CCDC186: variants seen among roughly 807,000 people sequenced by gnomAD.
The protein encoded by CCDC186 is coiled-coil domain-containing protein 186.
A neutral mutation model predicts 113.7 loss-of-function variants in CCDC186; 49 were observed. That is an observed-to-expected ratio of 0.43 (90% CI 0.34 to 0.55). The LOEUF (loss-of-function observed/expected upper bound fraction) is 0.55. Ranked by LOEUF, CCDC186 falls within the 20% of genes least tolerant of loss-of-function variation. The pLI, the probability that CCDC186 is intolerant of heterozygous loss-of-function variation, is 0.02. For synonymous variants in CCDC186, 355 were observed against 345.8 expected, an observed-to-expected ratio of 1.03 and a Z score of -0.30; for missense variants, 890 against 1,011.1, an observed-to-expected ratio of 0.88 and a Z score of 1.62.
rs1028205019 is a variant in CCDC186 at position 114,124,051 on chromosome 10, A to G, written c.*1092T>C. On this transcript the variant is annotated 3_prime_UTR_variant, in exon 16 of 16. Transcript: ENST00000369287. ...TCTTTGTAGAGATGGGGGTCTCGCT[A>G]TGTTGCCAAGGCTGGTCTTAAACTC... 4 of 152,136 alleles carry G rather than the reference A, an allele frequency of 2.6e-5. No homozygotes were observed. The highest frequency in any genetic ancestry group is 4.4e-5 in the Non-Finnish European group (3 of 68,078). The allele number at this position is 152,136 out of a possible 1,614,324, so 9.4% of individuals were successfully genotyped here. A position where few individuals can be genotyped will look rare whatever the true frequency, so the allele number is the denominator to read the frequency against.
chr10:114,146,063 T>C (rs2031630766), intron 4 of CCDC186, among the ~76,000 whole-genome samples: 1 of 152,218 alleles, frequency 6.6e-6, no homozygotes, highest in Non-Finnish European at 1.5e-5. Flanking sequence ...TCCCAACTGG[T>C]GTCCCAGGAA....
chr10:114,131,433 T>C (rs2031084431), intron 11 of CCDC186, 97 bp from the exon 12 acceptor site: 3 of 1,022,726 alleles, frequency 2.9e-6, no homozygotes. Context: ...TTCTTGACAG[T>C]GGAGATTCTT....
At chr10:114,136,670 AG>A (rs1182255308) in intron 7 of CCDC186, among the ~76,000 whole-genome samples, 1 of 152,190 alleles carries the variant, frequency 6.6e-6, no homozygotes. Flanking sequence ...GACATTTTCT[AG>A]GGTTTTTATT....
At chr10:114,164,827 AAG>A (rs1011902145) in intron 1 of CCDC186, among the ~76,000 whole-genome samples, 1 of 152,216 alleles carries the variant, frequency 6.6e-6, no homozygotes, top group Non-Finnish European at 1.5e-5. Flanking sequence ...GGATGATGAA[AAG>A]AGAGAGAGAA....
intron 6 of CCDC186, among the ~76,000 whole-genome samples, chr10:114,142,741 G>A (rs1330531878): frequency 6.6e-6 from 1 of 152,188 alleles, no homozygotes; most frequent in Non-Finnish European, 1.5e-5. Context: ...GATCCAGTAA[G>A]CTACAGGACT....
chr10:114,151,842 T>C (rs2031866836), intron 3 of CCDC186, among the ~76,000 whole-genome samples: 1 of 152,188 alleles, frequency 6.6e-6, no homozygotes, highest in Non-Finnish European at 1.5e-5. Flanking sequence ...GCAATTCACA[T>C]GTGCCAAAGA....
In CCDC186 at chr10:114,162,868, T is replaced by G. The variant is rs144346573; in HGVS notation, c.401A>C (p.Lys134Thr). 5.6e-6 allele frequency: 9 copies of G among 1,613,998 alleles called. No individual in the cohort carries two copies. In the Admixed American group the frequency reaches 6.7e-5, roughly 12 times the overall value. ...SSTFPESANEKTYSESPYDTD... is the reference protein window; with the variant it reads ...SSTFPESANETTYSESPYDTD... ...ATCATAGGGGCTTTCTGAATAAGTCTTTTCATTAGCTGATTCTGGAAATGT... is the reference window on the plus strand; with the variant it reads ...ATCATAGGGGCTTTCTGAATAAGTCGTTTCATTAGCTGATTCTGGAAATGT... Residue 134 changes from lysine (K) to threonine (T), a missense_variant, in exon 2 of 16, where the codon AAG becomes ACG. Coordinates refer to ENST00000369287, the MANE Select transcript of CCDC186 (RefSeq NM_018017.4).
At position 114,148,292 on chromosome 10, in the gene CCDC186, T is replaced by A. The variant is rs545597666; in HGVS notation, c.889-2531A>T. On this transcript the variant is annotated intron_variant, in intron 4 of 15. Transcript: ENST00000369287. The stretch of plus-strand genomic sequence containing the variant: ...ACTCCTGGATCCTGCCCCATCCTGC[T>A]AATGGCAGCACCTACCTCACAGCAT... Among the ~76,000 whole-genome samples the A allele has an allele frequency of 5.3e-5, 8 of 152,336 alleles. 1 individual carries two copies. The South Asian group carries it at 1.7e-3, about 32-fold the overall frequency.
chr10:114,171,741 A>C (rs1403496179), intron 1 of CCDC186, among the ~76,000 whole-genome samples: 2 of 152,338 alleles, frequency 1.3e-5, no homozygotes, highest in South Asian at 2.1e-4. Flanking sequence ...TTATGTAGTA[A>C]GTGCGGTAGA....
At chr10:114,169,348 G>A (rs1432193996) in intron 1 of CCDC186, among the ~76,000 whole-genome samples, 5 of 148,594 alleles carry the variant, frequency 3.4e-5, no homozygotes, top group South Asian at 4.3e-4. Flanking sequence ...GGGTTCCAGC[G>A]ATTCTCCCGC....
At chr10:114,134,512 A>C (rs772384439) in intron 10 of CCDC186, among the ~76,000 whole-genome samples, 27 of 152,226 alleles carry the variant, frequency 1.8e-4, no homozygotes, top group Non-Finnish European at 2.8e-4. Context: ...AGTAGAGTTT[A>C]CTTAAATGGT....
In CCDC186 at chr10:114,162,680, A is replaced by G; in HGVS notation, c.589T>C (p.Cys197Arg). Residue 197 changes from cysteine to arginine, a missense_variant, in exon 2 of 16, where the codon TGT becomes CGT. By Grantham distance (180) the Cys-to-Arg change is radical. Transcript: ENST00000369287. ...GEHALVLFEKCVQDKYLQQEH... is the reference protein window; with the variant it reads ...GEHALVLFEKRVQDKYLQQEH... ...TGCTGCAAATATTTATCTTGCACAC[A>G]CTTTTCAAACAGAACTAATGCATGT... 1 of 1,601,150 alleles carries G rather than the reference A, an allele frequency of 6.2e-7. No individual in the cohort carries two copies. The highest frequency in any genetic ancestry group is 8.5e-7 in the Non-Finnish European group (1 of 1,176,304).
chr10:114,128,350 C>A (rs1225140661), intron 13 of CCDC186, among the ~76,000 whole-genome samples: 1 of 152,162 alleles, frequency 6.6e-6, no homozygotes, highest in African/African-American at 2.4e-5. Context: ...AGTAATATAT[C>A]TTATCCAAAG....
At chr10:114,127,439 A>G (rs1381673832) in intron 14 of CCDC186, 22 bp downstream of exon 14, 9 of 1,604,746 alleles carry the variant, frequency 5.6e-6, no homozygotes, top group Non-Finnish European at 7.7e-6. Flanking sequence ...AAGACCGATC[A>G]TGCTACCGTA....
Position 114,127,577 on chromosome 10 carries a change from G to T in CCDC186, c.2277C>A (p.Ala759=), listed in dbSNP as rs746462938. The part of the protein sequence containing the change: ...AVDNFPQVDK[A]MLIERIVRLQ... Reference sequence around the variant, plus strand: ...GCCTAACTATTCTCTCAATCAACATGGCCTTATCTACTTGTGGAAAGTTAT... The same window carrying T: ...GCCTAACTATTCTCTCAATCAACATTGCCTTATCTACTTGTGGAAAGTTAT... Residue 759 remains alanine, a synonymous_variant, in exon 14 of 16, where the codon GCC becomes GCA. Transcript: ENST00000369287. 1 of 1,613,898 alleles carries T rather than the reference G, an allele frequency of 6.2e-7. No homozygotes were observed. Among genetic ancestry groups the T allele is most frequent in the South Asian group, 1.1e-5 (1 of 91,076 alleles).
At chr10:114,157,742 G>C in intron 2 of CCDC186, 62 bp from the exon 3 acceptor site, 4 of 1,299,398 alleles carry the variant, frequency 3.1e-6, no homozygotes, top group Non-Finnish European at 4.2e-6. Flanking sequence ...AATAATATGT[G>C]GAATATAATT....
chr10:114,149,858 A>AAGGC (rs1331806260), intron 4 of CCDC186, among the ~76,000 whole-genome samples: 5 of 125,044 alleles, frequency 4.0e-5, no homozygotes, highest in South Asian at 2.2e-4. Context: ...GGCAGGCAGG[A>AAGGC]AGGCAGGCAG....
intron 4 of CCDC186, among the ~76,000 whole-genome samples, chr10:114,148,945 T>C (rs572432391): frequency 2.0e-5 from 3 of 152,266 alleles, no homozygotes; most frequent in Admixed American, 6.5e-5. Context: ...AACCTATTTT[T>C]AAACAAAACT....
At chr10:114,144,720 G>T in intron 5 of CCDC186, 104 bp from the exon 6 acceptor site, 1 of 1,014,354 alleles carries the variant, frequency 9.9e-7, no homozygotes. Flanking sequence ...TATAATCAAG[G>T]GCTGGCACAC....
Sources: gnomAD v4.1 joint callset for allele counts (sites outside exome capture counted in the v4.1 genomes callset) on GRCh38, gnomAD v4.1.1 for gene constraint, MANE v1.5 for transcripts, NCBI Gene and HGNC (gene_info 2026-07-23, HGNC 2026-07-21) for gene names.